Variants in MB21D2 observed in about 807,000 individuals in gnomAD.
The protein encoded by MB21D2 is Mab-21 domain containing 2, also known as nucleotidyltransferase MB21D2.
A neutral mutation model predicts 33.3 loss-of-function variants in MB21D2; 9 were observed. The observed-to-expected ratio is 0.27, with a 90% confidence interval of 0.16 to 0.47. The LOEUF is 0.47. Ranked by LOEUF, MB21D2 falls within the 20% of genes least tolerant of loss-of-function variation. The pLI, the probability that MB21D2 is intolerant of heterozygous loss-of-function variation, is 0.99. For synonymous variants in MB21D2, 241 were observed against 236.3 expected (o/e 1.02, Z -0.18); for missense variants, 540 against 624.6 (o/e 0.86, Z 1.44).
chr3:192,897,228 GATGCAACAAACT>G lies in MB21D2; in HGVS notation c.211+20390_211+20401del, dbSNP rs1332471900. Among the ~76,000 whole-genome samples the G allele has an allele frequency of 2.6e-5, 4 of 152,218 alleles. No individual in the cohort carries two copies. In the South Asian group the frequency reaches 6.2e-4, roughly 24 times the overall value. ...TCAAACTAGTCAGAGAGGCTAGTTTGATGCAACAAACTATGCAACAAACAGAACGGTTGCATA... is the reference window on the plus strand; with the variant it reads ...TCAAACTAGTCAGAGAGGCTAGTTTGATGCAACAAACAGAACGGTTGCATA... On this transcript the variant is annotated intron_variant, in intron 1 of 1. Coordinates refer to ENST00000392452, the MANE Select transcript of MB21D2 (RefSeq NM_178496.4).
intron 1 of MB21D2, among the ~76,000 whole-genome samples, chr3:192,871,706 A>G (rs548668201): frequency 2.3e-4 from 35 of 152,174 alleles, no homozygotes; most frequent in Non-Finnish European, 4.6e-4. Context: ...GAGGCCAAAG[A>G]TGGGCTGTGG....
chr3:192,899,110 C>T (rs2108650570), intron 1 of MB21D2, among the ~76,000 whole-genome samples: 1 of 152,322 alleles, frequency 6.6e-6, no homozygotes, highest in Non-Finnish European at 1.5e-5. Flanking sequence ...AGGCCAGTAC[C>T]TCACATGGTG....
chr3:192,901,627 A>G (rs751040965), intron 1 of MB21D2, among the ~76,000 whole-genome samples: 1 of 152,174 alleles, frequency 6.6e-6, no homozygotes, highest in Non-Finnish European at 1.5e-5. Context: ...TGCCCTCGGA[A>G]AGCAGGAAAG....
At chr3:192,873,691 G>A (rs1038170067) in intron 1 of MB21D2, among the ~76,000 whole-genome samples, 17 of 151,988 alleles carry the variant, frequency 1.1e-4, no homozygotes, top group Admixed American at 3.3e-4. Context: ...CTCTCTTAGT[G>A]CATTTCTTTT....
intron 1 of MB21D2, among the ~76,000 whole-genome samples, chr3:192,881,697 C>G (rs923697809): frequency 6.6e-6 from 1 of 152,024 alleles, no homozygotes; most frequent in African/African-American, 2.4e-5. Flanking sequence ...CTGTGGAGGC[C>G]AAGAAAGGAA....
rs2108607628 is a variant in MB21D2 at position 192,799,634 on chromosome 3, C to T, written c.228G>A (p.Leu76=). 6.2e-7 allele frequency: 1 copy of T among 1,613,606 alleles called. No individual in the cohort carries two copies. The highest frequency in any genetic ancestry group is 1.1e-5 in the South Asian group (1 of 90,978). The change falls in exon 2 of 2, where the codon CTG becomes CTA. Residue 76 remains leucine (L), a synonymous_variant. Coordinates refer to ENST00000392452, the MANE Select transcript of MB21D2 (RefSeq NM_178496.4). This position sits in a 1 kb window ranked among gnomAD's most constrained non-coding sequence, Gnocchi z 4.1. ...CATTAGCCACTGGAAGCTTTTGGTC[C>T]AGCTTTTGCACCATTCCTGGAAATA... is the stretch of plus-strand genomic sequence containing the variant. ...IFSMLGMVQK[L]DQKLPVANEY... is the part of the protein sequence containing the mutation.
At chr3:192,813,945 A>G (rs1711850516) in intron 1 of MB21D2, among the ~76,000 whole-genome samples, 1 of 152,206 alleles carries the variant, frequency 6.6e-6, no homozygotes, top group Non-Finnish European at 1.5e-5. Context: ...ATCTTTGATG[A>G]AAAATAACTT....
chr3:192,916,971 G>A (rs1014186597), intron 1 of MB21D2, among the ~76,000 whole-genome samples: 1 of 152,222 alleles, frequency 6.6e-6, no homozygotes, highest in African/African-American at 2.4e-5. Flanking sequence ...CGAGAGCCCT[G>A]AAGAAGCACC....
intron 1 of MB21D2, among the ~76,000 whole-genome samples, chr3:192,873,283 G>A (rs989060776): frequency 6.6e-6 from 1 of 152,110 alleles, no homozygotes; most frequent in Non-Finnish European, 1.5e-5. Context: ...TATATTCCAA[G>A]GAGCATTTCT....
intron 1 of MB21D2, among the ~76,000 whole-genome samples, chr3:192,849,557 C>A (rs1360734191): frequency 1.3e-5 from 2 of 152,160 alleles, no homozygotes; most frequent in Non-Finnish European, 2.9e-5. Flanking sequence ...ACTTCGTGAT[C>A]TACCTGCCTC....
intron 1 of MB21D2, among the ~76,000 whole-genome samples, chr3:192,887,983 G>T (rs951064052): frequency 6.6e-6 from 1 of 151,986 alleles, no homozygotes; most frequent in Non-Finnish European, 1.5e-5. Context: ...AACAGGGGAC[G>T]CGTAGGCTGC....
chr3:192,799,347 T>C lies in MB21D2; in HGVS notation c.515A>G (p.Asn172Ser), dbSNP rs749012361. 15 of 1,614,122 alleles carry C rather than the reference T, an allele frequency of 9.3e-6. No homozygotes were observed. The highest frequency in any genetic ancestry group is 5.0e-5 in the Admixed American group (3 of 60,012). The change falls in exon 2 of 2, where the codon AAT (asparagine) becomes AGT (serine). Residue 172 changes from asparagine to serine, a missense_variant. By Grantham distance (46) the Asn-to-Ser change is conservative (BLOSUM62 1). Coordinates refer to ENST00000392452, the MANE Select transcript of MB21D2 (RefSeq NM_178496.4). This position sits in a 1 kb window ranked among gnomAD's most constrained non-coding sequence, Gnocchi z 4.1. ...KDCCTIVDHINGATNYFFSPT... is the reference protein window; with the variant it reads ...KDCCTIVDHISGATNYFFSPT... ...TGAGAAGAAGTAGTTGGTGGCACCA[T>C]TGATGTGATCTACAATGGTGCAGCA...
At chr3:192,889,224 A>C (rs1482029014) in intron 1 of MB21D2, among the ~76,000 whole-genome samples, 1 of 152,076 alleles carries the variant, frequency 6.6e-6, no homozygotes, top group Admixed American at 6.5e-5. Context: ...GTTCTCTATT[A>C]AGATGGTTTC....
intron 1 of MB21D2, among the ~76,000 whole-genome samples, chr3:192,834,771 A>G (rs1194351811): frequency 1.3e-5 from 2 of 150,560 alleles, no homozygotes; most frequent in African/African-American, 2.5e-5. Flanking sequence ...GCAGACAATT[A>G]CTTTCTACCA....
chr3:192,802,341 T>C (rs920586164), intron 1 of MB21D2, among the ~76,000 whole-genome samples: 4 of 152,050 alleles, frequency 2.6e-5, no homozygotes, highest in Non-Finnish European at 2.9e-5. Flanking sequence ...CAGGTGTAGA[T>C]CCCAAGGGTG....
chr3:192,865,565 C>T (rs1002653858), intron 1 of MB21D2, among the ~76,000 whole-genome samples: 1 of 152,166 alleles, frequency 6.6e-6, no homozygotes, highest in African/African-American at 2.4e-5. Context: ...ATTAACCACA[C>T]CTCTGCATTC....
intron 1 of MB21D2, among the ~76,000 whole-genome samples, chr3:192,851,811 G>A (rs1347779177): frequency 6.6e-6 from 1 of 152,046 alleles, no homozygotes; most frequent in African/African-American, 2.4e-5. Context: ...ATTTTTAAAA[G>A]GTTATTATTA....
At chr3:192,819,090 G>A (rs1711987666) in intron 1 of MB21D2, among the ~76,000 whole-genome samples, 1 of 152,176 alleles carries the variant, frequency 6.6e-6, no homozygotes, top group Non-Finnish European at 1.5e-5. Flanking sequence ...TTTTCCTGGA[G>A]AGCTGAGCAT....
chr3:192,867,157 AGGGAGGAAAAGG>A (rs1713188778), intron 1 of MB21D2, among the ~76,000 whole-genome samples: 1 of 152,160 alleles, frequency 6.6e-6, no homozygotes, highest in African/African-American at 2.4e-5. Context: ...TATTGGGTAG[AGGGAGGAAAAGG>A]CTGCTCAAAT....
Sources: gnomAD v4.1 joint callset for allele counts (sites outside exome capture counted in the v4.1 genomes callset) on GRCh38, gnomAD v4.1.1 for gene constraint, Gnocchi (gnomAD v3.1) non-coding constraint, MANE v1.5 for transcripts, NCBI Gene and HGNC (gene_info 2026-07-23, HGNC 2026-07-21) for gene names.